The following B3GALT1 variants were observed in gnomAD, a reference collection of about 807,000 sequenced individuals.
The protein encoded by B3GALT1 is UDP-Gal:betaGlcNAc beta 1,3-galactosyltransferase, polypeptide 1.
B3GALT1 carries 10 observed loss-of-function variants against 23.2 expected under a neutral mutation model. The observed-to-expected ratio is 0.43, with a 90% CI of 0.27 to 0.73. The LOEUF is 0.73. Ranked by LOEUF, B3GALT1 falls within the 30% of genes least tolerant of loss-of-function variation. B3GALT1 has a pLI of 0.21. For missense variants in B3GALT1, 299 were observed against 405.4 expected (o/e 0.74, Z 2.25); for synonymous variants, 156 against 141.5 (o/e 1.10, Z -0.73).
chr2:167,503,795 A>G (rs1699880288), intron 2 of B3GALT1, among the ~76,000 whole-genome samples: 1 of 152,178 alleles, frequency 6.6e-6, no homozygotes, highest in South Asian at 2.1e-4. Flanking sequence ...CTTGATGCCC[A>G]TCCACTTGCT....
chr2:167,734,908 T>C (rs1687468111), intron 3 of B3GALT1, among the ~76,000 whole-genome samples: 1 of 152,214 alleles, frequency 6.6e-6, no homozygotes, highest in African/African-American at 2.4e-5. Context: ...AAATACCTTA[T>C]TCATAAGTCC....
chr2:167,787,954 G>A (rs1428554271), intron 3 of B3GALT1, among the ~76,000 whole-genome samples: 1 of 152,150 alleles, frequency 6.6e-6, no homozygotes, highest in Non-Finnish European at 1.5e-5. Flanking sequence ...TTCCAAAAAT[G>A]TTGATACCAG....
At chr2:167,344,608 A>G (rs1697199584) in intron 1 of B3GALT1, among the ~76,000 whole-genome samples, 2 of 152,202 alleles carry the variant, frequency 1.3e-5, no homozygotes, top group South Asian at 4.1e-4. Context: ...AATTTTTCAA[A>G]TAGGCCCTGA....
intron 2 of B3GALT1, among the ~76,000 whole-genome samples, chr2:167,544,839 C>T (rs1223118099): frequency 6.6e-6 from 1 of 152,118 alleles, no homozygotes; most frequent in African/African-American, 2.4e-5. Context: ...GGTTCGTGGT[C>T]TCACGGGCTT....
rs551319087 is a variant in B3GALT1 at position 167,330,432 on chromosome 2, C to T, written c.-511+37098C>T. ...TATCAGCCTGGGCAACATAGTGAGA[C>T]CCTGTCTCTACAAAAAATATTTTAA... On this transcript the variant is annotated intron_variant, in intron 1 of 4. Transcript: ENST00000392690. 5.3e-5 allele frequency among the ~76,000 whole-genome samples: 8 copies of T among 152,134 alleles called. No individual in the cohort carries two copies. The East Asian group carries it at 1.4e-3, about 26-fold the overall frequency.
At chr2:167,390,676 G>A (rs1336154748) in intron 1 of B3GALT1, among the ~76,000 whole-genome samples, 3 of 152,202 alleles carry the variant, frequency 2.0e-5, no homozygotes, top group South Asian at 2.1e-4. Context: ...CATCATTCTC[G>A]ATGCTTGTAC....
At chr2:167,647,258 G>A (rs756986196) in intron 3 of B3GALT1, among the ~76,000 whole-genome samples, 1 of 152,096 alleles carries the variant, frequency 6.6e-6, no homozygotes, top group Non-Finnish European at 1.5e-5. Flanking sequence ...AATCCAACTC[G>A]ACTATTTACT....
chr2:167,814,859 A>G (rs1304361512), intron 3 of B3GALT1: 1 of 152,222 alleles, frequency 6.6e-6, no homozygotes, highest in Non-Finnish European at 1.5e-5. Flanking sequence ...CTGGCAAACC[A>G]GCTTTCTAGG....
At chr2:167,557,341 T>G (rs1431152940) in intron 2 of B3GALT1, among the ~76,000 whole-genome samples, 1 of 152,194 alleles carries the variant, frequency 6.6e-6, no homozygotes, top group African/African-American at 2.4e-5. Flanking sequence ...ATTTTTACCT[T>G]CTCAACTAAA....
At chr2:167,305,556 GTATT>G (rs1196860392) in intron 1 of B3GALT1, among the ~76,000 whole-genome samples, 2 of 152,098 alleles carry the variant, frequency 1.3e-5, no homozygotes. Flanking sequence ...AAATGTATGT[GTATT>G]TATTTTCACA....
At chr2:167,521,980 GTGTGTATATA>G (rs1296724062) in intron 2 of B3GALT1, among the ~76,000 whole-genome samples, 31 of 128,136 alleles carry the variant, frequency 2.4e-4, no homozygotes, top group Admixed American at 4.0e-4. Flanking sequence ...GTGTGTGTGT[GTGTGTATATA>G]TATATATATA....
At chr2:167,640,408 T>C (rs1558933702) in intron 2 of B3GALT1, among the ~76,000 whole-genome samples, 1 of 152,116 alleles carries the variant, frequency 6.6e-6, no homozygotes, top group East Asian at 1.9e-4. Flanking sequence ...TTTTTTCTTC[T>C]CTACTCTCAT....
intron 3 of B3GALT1, among the ~76,000 whole-genome samples, chr2:167,807,927 G>T (rs1165793085): frequency 6.6e-6 from 1 of 152,110 alleles, no homozygotes; most frequent in Non-Finnish European, 1.5e-5. Context: ...TTATTATTGT[G>T]TGGGAGTCTA....
intron 2 of B3GALT1, among the ~76,000 whole-genome samples, chr2:167,645,444 A>G (rs1685731904): frequency 6.6e-6 from 1 of 152,196 alleles, no homozygotes; most frequent in Admixed American, 6.5e-5. Context: ...GGACATTATC[A>G]GAAATCAAAA....
At chr2:167,576,053 A>G (rs548380082) in intron 2 of B3GALT1, among the ~76,000 whole-genome samples, 67 of 151,886 alleles carry the variant, frequency 4.4e-4, no homozygotes, top group African/African-American at 1.6e-3. Context: ...AGTTAGGACT[A>G]TGGTTCTCAA....
At chr2:167,565,283 C>T (rs1442483356) in intron 2 of B3GALT1, among the ~76,000 whole-genome samples, 1 of 152,142 alleles carries the variant, frequency 6.6e-6, no homozygotes. Flanking sequence ...ATAAATGGTG[C>T]TGGGACAACT....
chr2:167,719,335 A>C (rs955987021), intron 3 of B3GALT1, among the ~76,000 whole-genome samples: 1 of 152,228 alleles, frequency 6.6e-6, no homozygotes, highest in Non-Finnish European at 1.5e-5. Flanking sequence ...CAAATAATAT[A>C]ATGCTTGACG....
chr2:167,452,045 C>A (rs112546812), intron 1 of B3GALT1, among the ~76,000 whole-genome samples: 2,030 of 152,166 alleles, frequency 0.013, 45 homozygotes, highest in African/African-American at 0.046. Flanking sequence ...CCAACAGCAC[C>A]GGGTTTATTT....
At chr2:167,481,516 T>C (rs1699563547) in intron 1 of B3GALT1, among the ~76,000 whole-genome samples, 2 of 148,992 alleles carry the variant, frequency 1.3e-5, no homozygotes, top group Admixed American at 1.3e-4. Context: ...TCACTAAATT[T>C]GCTTTTCCAA....
Sources: allele counts gnomAD v4.1 joint callset (sites outside exome capture counted in the v4.1 genomes callset), GRCh38; gene constraint gnomAD v4.1.1; transcripts MANE v1.5; gene names NCBI Gene and HGNC (gene_info 2026-07-23, HGNC 2026-07-21).